DPP10: variants seen among roughly 807,000 people sequenced by gnomAD.
DPP10 encodes inactive dipeptidyl peptidase 10.
A neutral mutation model predicts 120.9 loss-of-function variants in DPP10; 33 were observed. That is an observed-to-expected ratio of 0.27 (90% CI 0.21 to 0.37). The LOEUF is 0.37. Among genes scored for constraint, DPP10 ranks in the 10% least tolerant of loss-of-function variants. The probability of loss-of-function intolerance (pLI) is 1.00; values close to 1 mark genes in which losing one functional copy is unlikely to be tolerated. For missense variants in DPP10, 816 were observed against 942.8 expected, an observed-to-expected ratio of 0.87 and a Z score of 1.76; for synonymous variants, 337 against 326.1, an observed-to-expected ratio of 1.03 and a Z score of -0.36.
chr2:115,360,412 A>G (rs1239304799), intron 3 of DPP10, among the ~76,000 whole-genome samples: 1 of 152,162 alleles, frequency 6.6e-6, no homozygotes, highest in Non-Finnish European at 1.5e-5. Flanking sequence ...CTAGATCTCT[A>G]CATTGTATTT....
chr2:115,718,338 C>G (rs187377660), intron 7 of DPP10, among the ~76,000 whole-genome samples: 1 of 152,048 alleles, frequency 6.6e-6, no homozygotes, highest in Non-Finnish European at 1.5e-5. Flanking sequence ...TGAAGTAACA[C>G]GATTGCCCAA....
intron 21 of DPP10, among the ~76,000 whole-genome samples, chr2:115,820,085 T>C (rs1188326316): frequency 6.6e-6 from 1 of 152,232 alleles, no homozygotes; most frequent in African/African-American, 2.4e-5. Flanking sequence ...AGAGTACTTT[T>C]ATTACCATAT....
At chr2:115,077,108 C>T (rs902777431) in intron 1 of DPP10, among the ~76,000 whole-genome samples, 1 of 152,198 alleles carries the variant, frequency 6.6e-6, no homozygotes, top group African/African-American at 2.4e-5. Flanking sequence ...ATGAATGCCA[C>T]CATCTCCCTG....
chr2:115,007,680 A>G (rs1224158084), intron 1 of DPP10, among the ~76,000 whole-genome samples: 1 of 151,098 alleles, frequency 6.6e-6, no homozygotes, highest in Non-Finnish European at 1.5e-5. Context: ...AGAAAACCCC[A>G]TTGTCTCAGC....
chr2:115,123,791 C>T (rs888970165), intron 1 of DPP10, among the ~76,000 whole-genome samples: 2 of 152,122 alleles, frequency 1.3e-5, no homozygotes, highest in African/African-American at 4.8e-5. Context: ...CTCCAACAAC[C>T]TCACTGGGTT....
intron 1 of DPP10, among the ~76,000 whole-genome samples, chr2:115,267,780 C>T (rs756231909): frequency 6.6e-6 from 1 of 152,128 alleles, no homozygotes; most frequent in Non-Finnish European, 1.5e-5. Flanking sequence ...ACGATGGCTC[C>T]CAAAGCTTCC....
chr2:115,140,157 G>A (rs958457), intron 1 of DPP10, among the ~76,000 whole-genome samples: 117,127 of 152,196 alleles, frequency 0.77, 45,305 homozygotes, highest in East Asian at 0.97. Flanking sequence ...AAACAGGGTA[G>A]GGAGGATAGA....
chr2:115,737,196 T>A (rs1349858902), intron 8 of DPP10, among the ~76,000 whole-genome samples: 1 of 152,138 alleles, frequency 6.6e-6, no homozygotes, highest in Non-Finnish European at 1.5e-5. Context: ...AAACATGCTT[T>A]GTGGCACAGA....
intron 9 of DPP10, among the ~76,000 whole-genome samples, chr2:115,741,751 T>C (rs1421952657): frequency 6.6e-6 from 1 of 152,134 alleles, no homozygotes; most frequent in African/African-American, 2.4e-5. Flanking sequence ...GGATTTTTTT[T>C]TATTCACATA....
chr2:115,425,417 G>C lies in DPP10; in HGVS notation c.272-74093G>C, dbSNP rs553295174. Among the ~76,000 whole-genome samples the C allele has an allele frequency of 9.9e-5, 15 of 152,202 alleles. No homozygotes were observed. In the East Asian group the frequency reaches 2.5e-3, roughly 25 times the overall value. The stretch of plus-strand genomic sequence containing the variant: ...GGGGAGGGAAGGATCTAATATTATA[G>C]TTTCTAATGTAATTCTAAGGTACTT... On this transcript the variant is annotated intron_variant, in intron 3 of 25. Transcript: ENST00000410059.
At chr2:114,585,331 C>G (rs1263665442) in intron 1 of DPP10, among the ~76,000 whole-genome samples, 1 of 152,128 alleles carries the variant, frequency 6.6e-6, no homozygotes, top group Non-Finnish European at 1.5e-5. Flanking sequence ...GCGCATTTCC[C>G]TCTCGTTGAC....
At chr2:114,553,609 G>A (rs963872746) in intron 1 of DPP10, among the ~76,000 whole-genome samples, 1 of 152,208 alleles carries the variant, frequency 6.6e-6, no homozygotes, top group African/African-American at 2.4e-5. Flanking sequence ...AAGTGATAAT[G>A]TAGGCTGGAC....
chr2:115,569,070 A>T (rs76591778), intron 5 of DPP10, among the ~76,000 whole-genome samples: 1 of 152,182 alleles, frequency 6.6e-6, no homozygotes, highest in African/African-American at 2.4e-5. Context: ...TCTTACATGG[A>T]TACTTTGCAA....
chr2:115,382,413 C>T lies in DPP10; in HGVS notation c.271+38501C>T, dbSNP rs374168975. ...AGTGAGGCAATGCCTCGCCCTGCTT[C>T]GGCTCGCGCACAGTGCGCGCACCCA... On this transcript the variant is annotated intron_variant, in intron 3 of 25. Coordinates refer to ENST00000410059, the MANE Select transcript of DPP10 (RefSeq NM_020868.6). 9.7e-4 allele frequency among the ~76,000 whole-genome samples: 147 copies of T among 152,274 alleles called. 3 individuals are homozygous for T. The South Asian group carries it at 0.025, about 26-fold the overall frequency.
intron 1 of DPP10, among the ~76,000 whole-genome samples, chr2:114,830,536 A>G (rs548010819): frequency 1.4e-4 from 21 of 152,348 alleles, no homozygotes; most frequent in African/African-American, 4.8e-4. Flanking sequence ...ACTTACATGT[A>G]CGTAAATGTG....
intron 4 of DPP10, among the ~76,000 whole-genome samples, chr2:115,516,973 T>C (rs1448463): frequency 0.21 from 32,269 of 152,052 alleles, 3,944 homozygotes; most frequent in East Asian, 0.39. Context: ...TACCATGTAT[T>C]GGAAAGACTG....
At chr2:114,939,816 A>G (rs1696762593) in intron 1 of DPP10, among the ~76,000 whole-genome samples, 1 of 152,164 alleles carries the variant, frequency 6.6e-6, no homozygotes, top group Non-Finnish European at 1.5e-5. Flanking sequence ...TTTACAAAAT[A>G]CTTTTATTTA....
intron 1 of DPP10, among the ~76,000 whole-genome samples, chr2:114,972,201 G>A (rs866404632): frequency 5.3e-5 from 8 of 152,220 alleles, no homozygotes; most frequent in Middle Eastern, 3.4e-3. Context: ...CCTGACAAGC[G>A]CTAGTTTACA....
At chr2:115,034,554 C>T (rs1021017416) in intron 1 of DPP10, among the ~76,000 whole-genome samples, 28 of 152,234 alleles carry the variant, frequency 1.8e-4, no homozygotes, top group Middle Eastern at 3.4e-3. Flanking sequence ...TCTTCATTTT[C>T]TATGTATATG....
Sources: gnomAD v4.1 joint callset for allele counts (sites outside exome capture counted in the v4.1 genomes callset) on GRCh38, gnomAD v4.1.1 for gene constraint, MANE v1.5 for transcripts, NCBI Gene and HGNC (gene_info 2026-07-23, HGNC 2026-07-21) for gene names.